Variants in CD8B2 observed in about 807,000 individuals in gnomAD.
CD8B2 encodes T-cell surface glycoprotein CD8 beta-2 chain.
Under a neutral mutation model 23.7 loss-of-function variants are expected in CD8B2, and 11 were observed. The ratio of observed to expected loss-of-function variants is 0.46; its 90% CI spans 0.29 to 0.77. The LOEUF is 0.77. Among genes scored for constraint, CD8B2 ranks in the 30% least tolerant of loss-of-function variants. CD8B2 has a pLI of 0.09. For missense variants in CD8B2, 197 were observed against 270.5 expected (o/e 0.73, Z 1.91); for synonymous variants, 90 against 109.3 (o/e 0.82, Z 1.10).
chr2:106,490,320 C>A (rs1396240630), intron 1 of CD8B2, among the ~76,000 whole-genome samples: 1 of 152,134 alleles, frequency 6.6e-6, no homozygotes, highest in African/African-American at 2.4e-5. Flanking sequence ...GGACTTTGAA[C>A]AAGTAACTTC....
chr2:106,517,773 C>T (rs1679752708), intron 5 of CD8B2, among the ~76,000 whole-genome samples: 1 of 151,874 alleles, frequency 6.6e-6, no homozygotes. Flanking sequence ...AGTGCAGTGG[C>T]GCGATCTCGG....
intron 4 of CD8B2, among the ~76,000 whole-genome samples, chr2:106,502,837 A>G (rs1308721643): frequency 1.3e-5 from 2 of 151,782 alleles, no homozygotes; most frequent in Non-Finnish European, 2.9e-5. Context: ...CGGCTGCCTC[A>G]GATGGGGGTA....
At position 106,507,486 on chromosome 2, in the gene CD8B2, G is replaced by A. The variant is rs1256787549; in HGVS notation, c.*546G>A. On this transcript the variant is annotated 3_prime_UTR_variant, in exon 6 of 6. Transcript: ENST00000643224. ...TCAGTCTCTGAGGGCTTCCTTTGGG[G>A]CCGGGAACTTGCGGGTTTGAGGATA... 2 of 985,414 alleles carry A rather than the reference G, an allele frequency of 2.0e-6. No individual in the cohort carries two copies. The highest frequency in any genetic ancestry group is 2.4e-6 in the Non-Finnish European group (2 of 829,978). The allele number at this position is 985,414 out of a possible 1,614,324, so 61.0% of individuals were successfully genotyped here.
At chr2:106,500,961 C>T (rs568067385) in intron 3 of CD8B2, among the ~76,000 whole-genome samples, 43 of 152,236 alleles carry the variant, frequency 2.8e-4, no homozygotes, top group African/African-American at 1.0e-3. Flanking sequence ...AACATTTTCC[C>T]CCACTTGACT....
At chr2:106,517,735 C>T (rs1007848872) in intron 5 of CD8B2, among the ~76,000 whole-genome samples, 2 of 151,430 alleles carry the variant, frequency 1.3e-5, no homozygotes, top group Non-Finnish European at 2.9e-5. Flanking sequence ...TGTTTTGAGA[C>T]AGGGTGTCGC....
intron 5 of CD8B2, among the ~76,000 whole-genome samples, chr2:106,523,506 C>T (rs1044178595): frequency 2.6e-5 from 4 of 152,026 alleles, no homozygotes; most frequent in African/African-American, 4.8e-5. Flanking sequence ...TGGAGGCTGT[C>T]GGTCTGGGGT....
rs1163291331 is a variant in CD8B2, at chr2:106,503,775, AT to A, written c.584-513del. 2.6e-5 allele frequency among the ~76,000 whole-genome samples: 4 copies of A among 152,164 alleles called. No homozygotes were observed. The East Asian group carries it at 5.8e-4, about 22-fold the overall frequency. ...ATAATAAGACCCCATTCCTAAAAAA[AT>A]AAATGAAAATCAAAAGTAATAAAGG... On this transcript the variant is annotated intron_variant, in intron 4 of 5. Coordinates refer to ENST00000643224, the MANE Select transcript of CD8B2 (RefSeq NM_001349727.2).
intron 2 of CD8B2, among the ~76,000 whole-genome samples, chr2:106,491,610 C>T (rs1449603211): frequency 2.0e-5 from 3 of 152,054 alleles, no homozygotes; most frequent in Non-Finnish European, 4.4e-5. Context: ...TGCAGTGGTG[C>T]GATCTTGGCT....
chr2:106,526,216 G>A (rs1679904203), intron 5 of CD8B2, among the ~76,000 whole-genome samples: 1 of 149,168 alleles, frequency 6.7e-6, no homozygotes, highest in African/African-American at 2.5e-5. Flanking sequence ...ACTCTATCCA[G>A]CCTGGGAAAG....
chr2:106,526,299 A>G (rs1679906234), intron 5 of CD8B2, among the ~76,000 whole-genome samples: 1 of 152,200 alleles, frequency 6.6e-6, no homozygotes, highest in African/African-American at 2.4e-5. Context: ...AAAGTATACA[A>G]TTCAATAGTT....
At chr2:106,490,572 T>C (rs1201571179) in intron 1 of CD8B2, among the ~76,000 whole-genome samples, 1 of 152,224 alleles carries the variant, frequency 6.6e-6, no homozygotes, top group Non-Finnish European at 1.5e-5. Context: ...TGAGGCTTGA[T>C]TGAGTTCCTT....
At chr2:106,501,703 G>A (rs886506361) in intron 3 of CD8B2, among the ~76,000 whole-genome samples, 39 of 151,932 alleles carry the variant, frequency 2.6e-4, no homozygotes, top group African/African-American at 7.2e-4. Flanking sequence ...ACAAACAAAC[G>A]AACAAACCCT....
intron 3 of CD8B2, among the ~76,000 whole-genome samples, chr2:106,498,490 G>A (rs914925853): frequency 5.3e-5 from 8 of 152,156 alleles, no homozygotes; most frequent in Non-Finnish European, 1.0e-4. Context: ...AATTCCCAGG[G>A]CAAAATGCAA....
At chr2:106,520,745 C>G (rs1573345409) in intron 5 of CD8B2, among the ~76,000 whole-genome samples, 1 of 152,050 alleles carries the variant, frequency 6.6e-6, no homozygotes. Context: ...TGCCCCACAC[C>G]TGTAATCCCA....
At chr2:106,506,853 A>G (rs1332026092) in intron 5 of CD8B2, 75 bp from the exon 6 acceptor site, 5 of 1,601,220 alleles carry the variant, frequency 3.1e-6, no homozygotes, top group Admixed American at 1.7e-5. Flanking sequence ...CTCACTTGCC[A>G]TTTGTCTCTG....
chr2:106,530,609 G>A (rs1283526766), intron 5 of CD8B2, among the ~76,000 whole-genome samples: 1 of 152,098 alleles, frequency 6.6e-6, no homozygotes, highest in African/African-American at 2.4e-5. Context: ...TTGATCTCCT[G>A]ACCTCGTGAT....
At chr2:106,494,294 C>T (rs185772122) in intron 2 of CD8B2, among the ~76,000 whole-genome samples, 196 of 152,030 alleles carry the variant, frequency 1.3e-3, no homozygotes, top group Middle Eastern at 6.8e-3. Context: ...ATTACAGGCA[C>T]GTGCCACCAC....
intron 5 of CD8B2, among the ~76,000 whole-genome samples, chr2:106,532,808 C>A (rs1680008078): frequency 6.6e-6 from 1 of 152,170 alleles, no homozygotes; most frequent in African/African-American, 2.4e-5. Flanking sequence ...GGCTTCTTTA[C>A]TGCAATCTGT....
At chr2:106,489,037 C>G (rs1382313735) in intron 1 of CD8B2, among the ~76,000 whole-genome samples, 1 of 147,600 alleles carries the variant, frequency 6.8e-6, no homozygotes, top group African/African-American at 2.5e-5. Context: ...GAGTCTTGCT[C>G]TGTCGCCCAG....
Sources: allele counts gnomAD v4.1 joint callset (sites outside exome capture counted in the v4.1 genomes callset), GRCh38; gene constraint gnomAD v4.1.1; transcripts MANE v1.5; gene names NCBI Gene and HGNC (gene_info 2026-07-23, HGNC 2026-07-21).